Variants in SLC26A3 observed in about 807,000 individuals in gnomAD.
SLC26A3 encodes the protein solute carrier family 26 member 3, also known as chloride anion exchanger.
Under a neutral mutation model 85.6 loss-of-function variants are expected in SLC26A3, and 64 were observed. That is an observed-to-expected ratio of 0.75 (90% confidence interval 0.61 to 0.92). The LOEUF (loss-of-function observed/expected upper bound fraction) is 0.92, where lower values mean the gene tolerates loss of function less well. SLC26A3 is among the 40% of genes least tolerant of loss of function. The pLI, the probability that SLC26A3 is intolerant of heterozygous loss-of-function variation, is 0.00. For synonymous variants in SLC26A3, 349 were observed against 336.0 expected (o/e 1.04, Z -0.42); for missense variants, 922 against 927.3 (o/e 0.99, Z 0.07).
Position 107,779,757 on chromosome 7 carries a change from G to A in SLC26A3, c.1318C>T (p.Leu440=). ...FLLAPLQKSV[L]AALALGNLKG... ...AAGTTTCCCAATGCTAAAGCTGCCA[G>A]GACGGACTGTGAAAAACACAAACAT... Residue 440 remains leucine, a synonymous_variant, in exon 12 of 21, where the codon CTG becomes TTG. Coordinates refer to ENST00000340010, the MANE Select transcript of SLC26A3 (RefSeq NM_000111.3). 1.2e-6 allele frequency: 2 copies of A among 1,613,650 alleles called. No individual in the cohort carries two copies. Among genetic ancestry groups the A allele is most frequent in the Non-Finnish European group, 1.7e-6 (2 of 1,179,664 alleles).
intron 5 of SLC26A3, among the ~76,000 whole-genome samples, chr7:107,789,973 T>C (rs1461577678): frequency 6.6e-6 from 1 of 152,196 alleles, no homozygotes; most frequent in African/African-American, 2.4e-5. Context: ...ACTTAATTTA[T>C]TTTTAAGTGT....
chr7:107,789,394 T>C lies in SLC26A3; in HGVS notation c.735+130A>G, dbSNP rs1245781535. 17 of 944,282 alleles carry C rather than the reference T, an allele frequency of 1.8e-5. 1 individual carries two copies. The South Asian group carries it at 2.4e-4, about 13-fold the overall frequency. The allele number at this position is 944,282 out of a possible 1,614,324, so 58.5% of individuals were successfully genotyped here. A position where few individuals can be genotyped will look rare whatever the true frequency, so the allele number is the denominator to read the frequency against. ...CTCGGCCTCCCAAAGTGCTGCTTTCTTTTTTAATATGAAAAAATTTTACAA... is the reference window on the plus strand; with the variant it reads ...CTCGGCCTCCCAAAGTGCTGCTTTCCTTTTTAATATGAAAAAATTTTACAA... On this transcript the variant is annotated intron_variant, in intron 6 of 20. Coordinates refer to ENST00000340010, the MANE Select transcript of SLC26A3 (RefSeq NM_000111.3).
At chr7:107,801,277 T>G (rs1254074326) in intron 1 of SLC26A3, among the ~76,000 whole-genome samples, 1 of 152,216 alleles carries the variant, frequency 6.6e-6, no homozygotes, top group African/African-American at 2.4e-5. Context: ...CTCTGCTACA[T>G]ATTCAATGTC....
intron 12 of SLC26A3, 52 bp from the exon 13 acceptor site, chr7:107,778,333 A>G (rs772714343): frequency 8.8e-6 from 9 of 1,026,488 alleles, no homozygotes; most frequent in South Asian, 1.3e-5. Context: ...TTAAAGTACA[A>G]TGTCGAGACG....
intron 11 of SLC26A3, 117 bp downstream of exon 11, chr7:107,782,680 A>G: frequency 1.0e-6 from 1 of 954,906 alleles, no homozygotes; most frequent in Admixed American, 1.7e-5. Context: ...TAAGAAGAGT[A>G]CTTGAGAGTT....
At chr7:107,784,605 T>C (rs888891160) in intron 8 of SLC26A3, among the ~76,000 whole-genome samples, 1 of 152,206 alleles carries the variant, frequency 6.6e-6, no homozygotes, top group Non-Finnish European at 1.5e-5. Context: ...CTAATTTTAG[T>C]ATTTTTAGTA....
Position 107,776,723 on chromosome 7 carries a change from A to T in SLC26A3, c.1515-17T>A, listed in dbSNP as rs1179623339. 1.9e-6 allele frequency: 3 copies of T among 1,609,694 alleles called. No individual in the cohort carries two copies. Among genetic ancestry groups the T allele is most frequent in the Non-Finnish European group, 2.5e-6 (3 of 1,177,012 alleles). On this transcript the variant is annotated splice_polypyrimidine_tract_variant and intron_variant, in intron 13 of 20. Coordinates refer to ENST00000340010, the MANE Select transcript of SLC26A3 (RefSeq NM_000111.3). ...CATTTTGGACTGTAGGGAGAAAAACACCAAGTAAATCATTCATGTATGTTT... is the reference window on the plus strand; with the variant it reads ...CATTTTGGACTGTAGGGAGAAAAACTCCAAGTAAATCATTCATGTATGTTT...
chr7:107,784,926 G>C, intron 8 of SLC26A3, among the ~76,000 whole-genome samples: 1 of 152,222 alleles, frequency 6.6e-6, no homozygotes, highest in Middle Eastern at 3.4e-3. Context: ...TAGTGTATGA[G>C]ACTTTGCAAA....
chr7:107,773,795 C>T, intron 17 of SLC26A3, 125 bp downstream of exon 17: 2 of 792,284 alleles, frequency 2.5e-6, no homozygotes, highest in Non-Finnish European at 4.3e-6. Flanking sequence ...AGGTGATCCA[C>T]CCACCTCGGC....
Position 107,791,814 on chromosome 7 carries a change from T to C in SLC26A3, c.382+16A>G. 1 of 1,487,238 alleles carries C rather than the reference T, an allele frequency of 6.7e-7. No homozygotes were observed. The highest frequency in any genetic ancestry group is 9.4e-7 in the Non-Finnish European group (1 of 1,064,390). The allele number at this position is 1,487,238 out of a possible 1,614,324, so 92.1% of individuals were successfully genotyped here. A position where few individuals can be genotyped will look rare whatever the true frequency, so the allele number is the denominator to read the frequency against. ...AAAAACAATGTGAGCATTAATCAGC[T>C]CAGTAACTGACTTACCCACGGATAT... On this transcript the variant is annotated intron_variant, in intron 4 of 20. Transcript: ENST00000340010.
chr7:107,770,382 G>A (rs575817102), intron 18 of SLC26A3, among the ~76,000 whole-genome samples: 1 of 148,438 alleles, frequency 6.7e-6, no homozygotes, highest in Non-Finnish European at 1.5e-5. Flanking sequence ...TCAACCTCCT[G>A]AGTAGCTGGG....
At chr7:107,789,886 A>G (rs897173215) in intron 5 of SLC26A3, among the ~76,000 whole-genome samples, 198 bp from the exon 6 acceptor site, 1 of 152,156 alleles carries the variant, frequency 6.6e-6, no homozygotes, top group African/African-American at 2.4e-5. Context: ...CCACCGCATC[A>G]TCCAGGTGGA....
rs370457121 is a variant in SLC26A3, at chr7:107,779,783, C to T, written c.1312-20G>A. Reference sequence around the variant, plus strand: ...GACGGACTGTGAAAAACACAAACATCAGATGTACTTTAAGTTAATGAAATA... The same window carrying T: ...GACGGACTGTGAAAAACACAAACATTAGATGTACTTTAAGTTAATGAAATA... On this transcript the variant is annotated intron_variant, in intron 11 of 20. Coordinates refer to ENST00000340010, the MANE Select transcript of SLC26A3 (RefSeq NM_000111.3). 4 of 1,588,342 alleles carry T rather than the reference C, an allele frequency of 2.5e-6. No individual in the cohort carries two copies. Among genetic ancestry groups the T allele is most frequent in the Non-Finnish European group, 1.7e-6 (2 of 1,156,786 alleles).
At position 107,789,708 on chromosome 7, in the gene SLC26A3, C is replaced by G; in HGVS notation, c.571-20G>C. The G allele has an allele frequency of 6.2e-7, 1 of 1,608,774 alleles. No individual in the cohort carries two copies. Among genetic ancestry groups the G allele is most frequent in the South Asian group, 1.1e-5 (1 of 90,040 alleles). ...AGCCAACTGGAAAGAGAACAAAAGC[C>G]TTTGTCAGCATAGATTAGGAGTATA... is the stretch of plus-strand genomic sequence containing the variant. On this transcript the variant is annotated intron_variant, in intron 5 of 20. Transcript: ENST00000340010.
At chr7:107,789,772 A>G in intron 5 of SLC26A3, 84 bp from the exon 6 acceptor site, 12 of 1,398,072 alleles carry the variant, frequency 8.6e-6, no homozygotes, top group Non-Finnish European at 1.2e-5. Flanking sequence ...AAATAATATT[A>G]CACAAAACGT....
In SLC26A3 at chr7:107,774,112, G is replaced by T. The variant is rs771640694; in HGVS notation, c.1815C>A (p.Asp605Glu). 6.2e-7 allele frequency: 1 copy of T among 1,614,104 alleles called. No individual in the cohort carries two copies. The highest frequency in any genetic ancestry group is 8.5e-7 in the Non-Finnish European group (1 of 1,179,980). Residue 605 changes from aspartate (D) to glutamate (E), a missense_variant, in exon 17 of 21, where the codon GAC becomes GAA. By Grantham distance (45) the Asp-to-Glu change is conservative. Transcript: ENST00000340010. ...CTATCTGATTGTTGTCCAGCTCTTC[G>T]TCAGAATCTTTTATGGTGTCAACAG... ...ICTVDTIKDS[D>E]EELDNNQIEV...
chr7:107,794,901 C>T (rs1356169413), intron 1 of SLC26A3, among the ~76,000 whole-genome samples: 3 of 152,044 alleles, frequency 2.0e-5, no homozygotes, highest in Non-Finnish European at 4.4e-5. Context: ...CTTTTTTTCC[C>T]AGAAATATTT....
At chr7:107,783,423 C>A in intron 8 of SLC26A3, 71 bp from the exon 9 acceptor site, 2 of 1,550,050 alleles carry the variant, frequency 1.3e-6, no homozygotes, top group South Asian at 1.1e-5. Flanking sequence ...TTGGGCAAAT[C>A]AATGAATGAA....
rs1400208283 is a variant in SLC26A3 at position 107,794,575 on chromosome 7, T to A, written c.-66A>T. The A allele has an allele frequency of 4.4e-6, 7 of 1,590,470 alleles. No homozygotes were observed. The highest frequency in any genetic ancestry group is 6.0e-6 in the Non-Finnish European group (7 of 1,159,178). On this transcript the variant is annotated 5_prime_UTR_variant, in exon 2 of 21. Coordinates refer to ENST00000340010, the MANE Select transcript of SLC26A3 (RefSeq NM_000111.3). Reference sequence around the variant, plus strand: ...CAACTATGTGGTGAACACTTCTTCTTGCCTTTAGCAGGTTAAAAATGCCTG... The same window carrying A: ...CAACTATGTGGTGAACACTTCTTCTAGCCTTTAGCAGGTTAAAAATGCCTG...
Sources: gnomAD v4.1 joint callset for allele counts (sites outside exome capture counted in the v4.1 genomes callset) on GRCh38, gnomAD v4.1.1 for gene constraint, MANE v1.5 for transcripts, NCBI Gene and HGNC (gene_info 2026-07-23, HGNC 2026-07-21) for gene names.